Variants in SUMF1 observed in about 807,000 individuals in gnomAD.
SUMF1 encodes the protein sulfatase modifying factor 1, also known as formylglycine-generating enzyme.
A neutral mutation model predicts 47.6 loss-of-function variants in SUMF1; 48 were observed. The observed-to-expected ratio is 1.01, with a 90% CI of 0.80 to 1.28. SUMF1 has a LOEUF of 1.28. SUMF1 is among the 50% of genes most tolerant of loss of function. The probability of loss-of-function intolerance (pLI) is 0.00; values close to 1 mark genes in which losing one functional copy is unlikely to be tolerated. For missense variants in SUMF1, 571 were observed against 485.4 expected (o/e 1.18, Z -1.66); for synonymous variants, 230 against 192.1 (o/e 1.20, Z -1.63).
intron 8 of SUMF1, among the ~76,000 whole-genome samples, chr3:4,271,562 C>T (rs943280744): frequency 3.9e-5 from 6 of 152,070 alleles, no homozygotes; most frequent in Admixed American, 6.6e-5. Context: ...AATGCAGTGG[C>T]GTGATGGCAT....
At chr3:4,236,259 A>G (rs1696406724) in intron 8 of SUMF1, among the ~76,000 whole-genome samples, 1 of 152,126 alleles carries the variant, frequency 6.6e-6, no homozygotes, top group South Asian at 2.1e-4. Context: ...AGAAATTGGC[A>G]AGGGATAATA....
chr3:4,096,187 T>C (rs1381602962), intron 8 of SUMF1, among the ~76,000 whole-genome samples: 2 of 152,154 alleles, frequency 1.3e-5, no homozygotes, highest in African/African-American at 4.8e-5. Context: ...AGGCAGGTGA[T>C]ACAACATCCA....
At chr3:4,343,732 T>C (rs373850780) in intron 8 of SUMF1, among the ~76,000 whole-genome samples, 2 of 152,256 alleles carry the variant, frequency 1.3e-5, no homozygotes, top group Non-Finnish European at 2.9e-5. Flanking sequence ...TACGACCTTT[T>C]TGGAGGGCTG....
chr3:4,096,116 T>C (rs1014478728), intron 8 of SUMF1, among the ~76,000 whole-genome samples: 3 of 152,186 alleles, frequency 2.0e-5, no homozygotes, highest in African/African-American at 7.2e-5. Context: ...CTGTATGGTC[T>C]TTAAGCTATT....
rs1695407171 is a variant in SUMF1, at chr3:4,195,422, T to C, written c.1015-126677A>G. Among the ~76,000 whole-genome samples the C allele has an allele frequency of 2.6e-5, 4 of 152,150 alleles. No homozygotes were observed. In the South Asian group the frequency reaches 8.3e-4, roughly 31 times the overall value. On this transcript the variant is annotated intron_variant and NMD_transcript_variant, in intron 8 of 12. Coordinates refer to the SUMF1 transcript ENST00000448413. ...TCACAAACTGATGATACTTATACAA[T>C]GTTGGTCAACAAGGCAAGAGCTGTA... is the stretch of plus-strand genomic sequence containing the variant.
rs756709309 is a variant in SUMF1, at chr3:4,169,624, G to A, written c.1015-100879C>T. On this transcript the variant is annotated intron_variant and NMD_transcript_variant, in intron 8 of 12. Coordinates refer to the SUMF1 transcript ENST00000448413. ...ATCTCTTTTGTTTTAACCAGTTTGC[G>A]TACCTTTTTACTGAAGCCCTAACAA... Among the ~76,000 whole-genome samples the A allele has an allele frequency of 6.6e-5, 10 of 152,160 alleles. No individual in the cohort carries two copies. The South Asian group carries it at 8.3e-4, about 13-fold the overall frequency.
chr3:4,457,672 A>G (rs1035751951), intron 1 of SUMF1, among the ~76,000 whole-genome samples: 2 of 152,242 alleles, frequency 1.3e-5, no homozygotes, highest in Non-Finnish European at 2.9e-5. Context: ...CGGTATTAGG[A>G]AAACTGAATA....
chr3:4,454,672 A>G (rs910380127), intron 1 of SUMF1, among the ~76,000 whole-genome samples: 1 of 152,266 alleles, frequency 6.6e-6, no homozygotes, highest in Non-Finnish European at 1.5e-5. Flanking sequence ...AGCAGAAACA[A>G]TCCAAATGTA....
chr3:4,129,475 T>A (rs1448056141), intron 8 of SUMF1, among the ~76,000 whole-genome samples: 2 of 152,046 alleles, frequency 1.3e-5, no homozygotes, highest in African/African-American at 4.8e-5. Flanking sequence ...AAAGACTAAT[T>A]TGAATTATAA....
chr3:4,211,143 CAT>C (rs575541063), intron 8 of SUMF1, among the ~76,000 whole-genome samples: 1 of 109,112 alleles, frequency 9.2e-6, no homozygotes, highest in Non-Finnish European at 1.9e-5. Context: ...CACATATATA[CAT>C]ATACATATAT....
intron 8 of SUMF1, chr3:4,303,314 G>A (rs937005834): frequency 1.1e-5 from 16 of 1,462,934 alleles, no homozygotes; most frequent in Admixed American, 3.2e-5. Flanking sequence ...ACAAGTCCCA[G>A]CATCCACCGC....
Position 4,361,508 on chromosome 3 carries a change from A to T in SUMF1, c.*636T>A, listed in dbSNP as rs1333294439. Reference sequence around the variant, plus strand: ...CCGGCCCCATGTGGGATTCATCATAACAACGTAAAAGACACTGATTTCCTT... The same window carrying T: ...CCGGCCCCATGTGGGATTCATCATATCAACGTAAAAGACACTGATTTCCTT... On this transcript the variant is annotated 3_prime_UTR_variant, in exon 9 of 9. Coordinates refer to ENST00000272902, the MANE Select transcript of SUMF1 (RefSeq NM_182760.4). 1 of 155,704 alleles carries T rather than the reference A, an allele frequency of 6.4e-6. No individual in the cohort carries two copies. Among genetic ancestry groups the T allele is most frequent in the East Asian group, 1.9e-4 (1 of 5,256 alleles). The allele number at this position is 155,704 out of a possible 1,614,324, so 9.6% of individuals were successfully genotyped here.
intron 8 of SUMF1, among the ~76,000 whole-genome samples, chr3:4,260,585 G>T (rs746568583): frequency 6.6e-6 from 1 of 152,020 alleles, no homozygotes; most frequent in African/African-American, 2.4e-5. Context: ...GAAGAATTCT[G>T]AACAGATGCT....
chr3:4,228,520 A>G (rs747856909), intron 8 of SUMF1, among the ~76,000 whole-genome samples: 56 of 152,296 alleles, frequency 3.7e-4, no homozygotes, highest in Non-Finnish European at 2.4e-4. Flanking sequence ...TCTGACTAAT[A>G]GCAGCCACAT....
intron 8 of SUMF1, among the ~76,000 whole-genome samples, chr3:4,350,792 T>C (rs997099324): frequency 2.0e-5 from 3 of 152,068 alleles, no homozygotes; most frequent in African/African-American, 7.2e-5. Flanking sequence ...AAGCTAGCAA[T>C]TGGAACAAAC....
At chr3:4,377,046 C>T (rs1328757622) in intron 7 of SUMF1, among the ~76,000 whole-genome samples, 5 of 152,118 alleles carry the variant, frequency 3.3e-5, no homozygotes, top group Admixed American at 3.3e-4. Context: ...AGTGACCCTC[C>T]TACCTCAGCC....
intron 8 of SUMF1, among the ~76,000 whole-genome samples, chr3:4,271,771 G>A (rs1338367972): frequency 6.6e-6 from 1 of 152,028 alleles, no homozygotes; most frequent in Non-Finnish European, 1.5e-5. Flanking sequence ...CAAAGTGCTG[G>A]GATTACAAGA....
intron 8 of SUMF1, chr3:4,316,559 C>T (rs1422321891): frequency 1.3e-6 from 2 of 1,555,350 alleles, no homozygotes; most frequent in South Asian, 1.2e-5. Flanking sequence ...TGAAAAAGCT[C>T]GATAAGTGGG....
chr3:4,393,039 T>C (rs1290840210), intron 7 of SUMF1, among the ~76,000 whole-genome samples: 1 of 152,114 alleles, frequency 6.6e-6, no homozygotes, highest in Non-Finnish European at 1.5e-5. Context: ...CTCTCTTGGG[T>C]CTTCCCTGCT....
Sources: allele counts gnomAD v4.1 joint callset (sites outside exome capture counted in the v4.1 genomes callset), GRCh38; gene constraint gnomAD v4.1.1; transcripts MANE v1.5; gene names NCBI Gene and HGNC (gene_info 2026-07-23, HGNC 2026-07-21).